Variants in PAK3 observed in about 807,000 individuals in gnomAD.
PAK3 encodes the protein serine/threonine-protein kinase PAK 3.
A neutral mutation model predicts 41.0 loss-of-function variants in PAK3; 4 were observed. That is an observed-to-expected ratio of 0.10 (90% confidence interval 0.05 to 0.22). PAK3 has a LOEUF of 0.22. Ranked by LOEUF, PAK3 falls within the 10% of genes least tolerant of loss-of-function variation. PAK3 has a pLI of 1.00. For synonymous variants in PAK3, 146 were observed against 139.6 expected (o/e 1.05, Z -0.32); for missense variants, 205 against 409.9 (o/e 0.50, Z 4.32).
intron 4 of PAK3, among the ~76,000 whole-genome samples, chrX:111,120,059 AG>A (rs1300079707): frequency 1.8e-5 from 2 of 112,556 alleles, no homozygotes; most frequent in Non-Finnish European, 3.8e-5. Flanking sequence ...AGCTTTATTA[AG>A]TTCCTAGTGT....
intron 11 of PAK3, among the ~76,000 whole-genome samples, chrX:111,187,593 G>A (rs932648812): frequency 2.7e-5 from 3 of 111,406 alleles, no homozygotes; most frequent in African/African-American, 9.8e-5. Flanking sequence ...TTTAATAGAT[G>A]AATCTTGAAG....
intron 1 of PAK3, among the ~76,000 whole-genome samples, chrX:111,076,298 T>C (rs748347199): frequency 1.3e-4 from 15 of 112,066 alleles, no homozygotes; most frequent in African/African-American, 4.2e-4. Flanking sequence ...ATTCCAATGT[T>C]GGAGGTGAGA....
intron 1 of PAK3, among the ~76,000 whole-genome samples, chrX:111,079,779 G>A (rs1186890756): frequency 8.9e-6 from 1 of 112,294 alleles, no homozygotes; most frequent in Non-Finnish European, 1.9e-5. Flanking sequence ...TCTAGATGCC[G>A]TTAAGAACAT....
intron 11 of PAK3, among the ~76,000 whole-genome samples, chrX:111,176,853 T>C (rs748908693): frequency 3.6e-5 from 4 of 111,264 alleles, no homozygotes; most frequent in Non-Finnish European, 7.5e-5. Context: ...TTTACTATGA[T>C]TTTATCATTT....
At chrX:110,951,171 T>C (rs756434726) in intron 1 of PAK3, among the ~76,000 whole-genome samples, 1 of 112,274 alleles carries the variant, frequency 8.9e-6, no homozygotes, top group East Asian at 2.8e-4. Flanking sequence ...TCTCCTTCTT[T>C]TGAGTTGTTC....
At chrX:110,954,139 G>A (rs1249438836) in intron 1 of PAK3, among the ~76,000 whole-genome samples, 3 of 111,594 alleles carry the variant, frequency 2.7e-5, no homozygotes, top group Non-Finnish European at 5.6e-5. Context: ...AAAGAAAGGA[G>A]TCAGCACTAG....
At chrX:111,173,118 A>G (rs1331457266) in intron 11 of PAK3, 37 bp downstream of exon 11, 1 of 660,058 alleles carries the variant, frequency 1.5e-6, no homozygotes, top group Non-Finnish European at 2.5e-6. Context: ...AAAGATGAGT[A>G]CAAGCAACAT....
chrX:111,215,629 C>A (rs1224336478), intron 16 of PAK3, among the ~76,000 whole-genome samples: 1 of 112,234 alleles, frequency 8.9e-6, no homozygotes, highest in Non-Finnish European at 1.9e-5. Context: ...GACATTGATT[C>A]TCTCAGGCCA....
intron 16 of PAK3, among the ~76,000 whole-genome samples, chrX:111,200,430 G>A (rs761094591): frequency 8.9e-6 from 1 of 111,755 alleles, no homozygotes; most frequent in South Asian, 3.8e-4. Flanking sequence ...CCTAATGAAT[G>A]CTATAGGCTA....
intron 4 of PAK3, among the ~76,000 whole-genome samples, chrX:111,117,807 C>T (rs1158689677): frequency 8.9e-6 from 1 of 111,888 alleles, no homozygotes; most frequent in Admixed American, 9.5e-5. Context: ...CTGAGGGGCT[C>T]TTACCCTCAT....
At chrX:111,089,877 T>C (rs1442577431) in intron 1 of PAK3, among the ~76,000 whole-genome samples, 3 of 111,043 alleles carry the variant, frequency 2.7e-5, no homozygotes, top group African/African-American at 9.8e-5. Context: ...ATATTTTCTC[T>C]TCCCAACTAG....
chrX:111,216,491 G>A lies in PAK3; in HGVS notation c.1478G>A (p.Arg493His), dbSNP rs758092787. The A allele has an allele frequency of 5.9e-6, 7 of 1,190,965 alleles. No individual in the cohort carries two copies. Among genetic ancestry groups the A allele is most frequent in the East Asian group, 3.0e-5 (1 of 33,759 alleles). ...CCTGAGAGACTGTCAGCTGTATTCC[G>A]TGACTTTTTAAATCGCTGTCTTGAG... ...QNPERLSAVFRDFLNRCLEMD... is the reference protein window; with the variant it reads ...QNPERLSAVFHDFLNRCLEMD... Residue 493 changes from arginine to histidine, a missense_variant, in exon 17 of 18, where the codon CGT (arginine) becomes CAT (histidine). By Grantham distance (29) the Arg-to-His change is conservative. Transcript: ENST00000372007.
intron 1 of PAK3, among the ~76,000 whole-genome samples, chrX:111,097,165 G>T (rs183810623): frequency 8.0e-4 from 86 of 108,006 alleles, no homozygotes; most frequent in African/African-American, 2.7e-3. Flanking sequence ...CCCTTAGCTC[G>T]CTGGGGGACA....
chrX:111,019,726 G>A (rs1423242161), intron 1 of PAK3, among the ~76,000 whole-genome samples: 1 of 105,019 alleles, frequency 9.5e-6, no homozygotes, highest in African/African-American at 3.5e-5. Context: ...AGAAAAAGGG[G>A]GGGGGGCAAA....
chrX:111,161,506 A>G (rs998013914), intron 8 of PAK3, among the ~76,000 whole-genome samples: 6 of 110,468 alleles, frequency 5.4e-5, no homozygotes, highest in African/African-American at 2.0e-4. Context: ...TTTTGTTGTC[A>G]TTGCTTTTGG....
chrX:111,027,172 A>G (rs183097193), intron 1 of PAK3, among the ~76,000 whole-genome samples: 34 of 111,522 alleles, frequency 3.0e-4, no homozygotes, highest in African/African-American at 1.1e-3. Context: ...AAGATGGATC[A>G]AAGACTTAAA....
In PAK3 at chrX:110,988,708, G is replaced by A. The variant is rs141372978; in HGVS notation, c.-28+44080G>A. On this transcript the variant is annotated intron_variant, in intron 1 of 14. Coordinates refer to the PAK3 transcript ENST00000425146. ...TCTCCTCTCTCCCCATCTCTCCCATGCTATTCTTGGATCAACAGAGTTGGT... is the reference window on the plus strand; with the variant it reads ...TCTCCTCTCTCCCCATCTCTCCCATACTATTCTTGGATCAACAGAGTTGGT... 6.2e-3 allele frequency among the ~76,000 whole-genome samples: 697 copies of A among 111,865 alleles called. 2 individuals carry two copies. Among genetic ancestry groups the A allele is most frequent in the Middle Eastern group, 0.019 (4 of 216 alleles).
At chrX:111,033,947 G>C (rs756820093) in intron 1 of PAK3, among the ~76,000 whole-genome samples, 3 of 111,111 alleles carry the variant, frequency 2.7e-5, no homozygotes, top group Non-Finnish European at 5.7e-5. Context: ...GAATCCCACT[G>C]TCTCATCCCT....
intron 4 of PAK3, among the ~76,000 whole-genome samples, chrX:111,120,974 C>A (rs968221029): frequency 8.9e-6 from 1 of 111,831 alleles, no homozygotes; most frequent in African/African-American, 3.2e-5. Context: ...GTCTTAAATT[C>A]ACTTTAATTC....
Sources: allele counts gnomAD v4.1 joint callset (sites outside exome capture counted in the v4.1 genomes callset), GRCh38; gene constraint gnomAD v4.1.1; transcripts MANE v1.5; gene names NCBI Gene and HGNC (gene_info 2026-07-23, HGNC 2026-07-21).